LMNB1: variants seen among roughly 807,000 people sequenced by gnomAD.
LMNB1 encodes the protein lamin B1, also known as lamin-B1.
A neutral mutation model predicts 67.1 loss-of-function variants in LMNB1; 23 were observed. That is an observed-to-expected ratio of 0.34 (90% CI 0.25 to 0.49). The LOEUF is 0.49. Among genes scored for constraint, LMNB1 ranks in the 20% least tolerant of loss-of-function variants. LMNB1 has a pLI of 0.99. For missense variants in LMNB1, 634 were observed against 746.5 expected (o/e 0.85, Z 1.76); for synonymous variants, 281 against 282.9 (o/e 0.99, Z 0.07).
intron 1 of LMNB1, among the ~76,000 whole-genome samples, chr5:126,792,131 G>C (rs906376457): frequency 6.9e-6 from 1 of 144,394 alleles, no homozygotes; most frequent in South Asian, 2.2e-4. Flanking sequence ...TAAATTTGAT[G>C]GATTTGGTTC....
intron 5 of LMNB1, among the ~76,000 whole-genome samples, chr5:126,815,764 C>T (rs1253444825): frequency 6.6e-6 from 1 of 152,156 alleles, no homozygotes; most frequent in East Asian, 1.9e-4. Context: ...TCTAACTTCT[C>T]ATACTGTGTT....
intron 1 of LMNB1, among the ~76,000 whole-genome samples, chr5:126,784,717 G>T (rs921551723): frequency 1.4e-5 from 2 of 148,016 alleles, no homozygotes; most frequent in South Asian, 2.1e-4. Flanking sequence ...GTGCAGTGGC[G>T]CCATCTCGGC....
intron 9 of LMNB1, among the ~76,000 whole-genome samples, chr5:126,826,495 C>T (rs6879607): frequency 6.6e-6 from 1 of 152,090 alleles, no homozygotes; most frequent in African/African-American, 2.4e-5. Context: ...TGGCATAGTA[C>T]CTTTATCTAG....
chr5:126,796,059 A>G (rs1481917412), intron 1 of LMNB1, among the ~76,000 whole-genome samples: 1 of 150,000 alleles, frequency 6.7e-6, no homozygotes, highest in African/African-American at 2.5e-5. Context: ...CAGCCTCCCA[A>G]GTAGCTGAGA....
intron 5 of LMNB1, among the ~76,000 whole-genome samples, chr5:126,816,501 C>T (rs528957470): frequency 1.3e-5 from 2 of 152,194 alleles, no homozygotes; most frequent in Admixed American, 1.3e-4. Flanking sequence ...ACCCATTTTC[C>T]CCTGTTGTTA....
chr5:126,806,023 C>T (rs114465917), intron 3 of LMNB1, among the ~76,000 whole-genome samples: 18 of 152,240 alleles, frequency 1.2e-4, no homozygotes, highest in Admixed American at 2.0e-4. Flanking sequence ...GGCACGATCT[C>T]GGCTCCTTTC....
chr5:126,794,374 C>T (rs1329587232), intron 1 of LMNB1, among the ~76,000 whole-genome samples: 1 of 152,158 alleles, frequency 6.6e-6, no homozygotes, highest in Non-Finnish European at 1.5e-5. Flanking sequence ...GCTGTTGGAG[C>T]AAATGCATGC....
intron 4 of LMNB1, 59 bp from the exon 5 acceptor site, chr5:126,811,714 T>G: frequency 6.6e-7 from 1 of 1,514,370 alleles, no homozygotes; most frequent in Non-Finnish European, 9.0e-7. Flanking sequence ...AGGTGAATCA[T>G]GCTTCCTTTT....
At position 126,816,334 on chromosome 5, in the gene LMNB1, T is replaced by C. The variant is rs7714076; in HGVS notation, c.940-2588T>C. 1.3e-3 allele frequency among the ~76,000 whole-genome samples: 202 copies of C among 152,306 alleles called. 1 individual carries two copies. The highest frequency in any genetic ancestry group is 4.8e-3 in the African/African-American group (198 of 41,566). On this transcript the variant is annotated intron_variant, in intron 5 of 10. Coordinates refer to ENST00000261366, the MANE Select transcript of LMNB1 (RefSeq NM_005573.4). Reference sequence around the variant, plus strand: ...GGTCAATTTTTTTTCTTTAAAAATATATTTTTGTGTGTGCGTGTGAACCAG... The same window carrying C: ...GGTCAATTTTTTTTCTTTAAAAATACATTTTTGTGTGTGCGTGTGAACCAG...
intron 1 of LMNB1, among the ~76,000 whole-genome samples, chr5:126,796,179 T>C (rs1751087216): frequency 6.6e-6 from 1 of 152,082 alleles, no homozygotes; most frequent in African/African-American, 2.4e-5. Context: ...TCCGCCAGCC[T>C]TAGCCTCCCA....
At chr5:126,816,568 T>C (rs1185965319) in intron 5 of LMNB1, among the ~76,000 whole-genome samples, 1 of 152,242 alleles carries the variant, frequency 6.6e-6, no homozygotes, top group African/African-American at 2.4e-5. Flanking sequence ...ATTGGTATAT[T>C]ACTGTGAACT....
intron 1 of LMNB1, among the ~76,000 whole-genome samples, chr5:126,798,981 A>G (rs1056159214): frequency 1.1e-4 from 17 of 151,182 alleles, no homozygotes; most frequent in African/African-American, 3.6e-4. Context: ...GATAGTAGTC[A>G]GTTCTTCTCT....
intron 1 of LMNB1, among the ~76,000 whole-genome samples, chr5:126,792,851 C>T (rs1750996701): frequency 6.6e-6 from 1 of 152,110 alleles, no homozygotes; most frequent in South Asian, 2.1e-4. Flanking sequence ...GCTGAGATTA[C>T]AGGCATGAGC....
chr5:126,833,931 A>G (rs372660811), intron 10 of LMNB1, among the ~76,000 whole-genome samples: 4 of 152,226 alleles, frequency 2.6e-5, no homozygotes, highest in African/African-American at 7.2e-5. Context: ...CCATTGCTTC[A>G]CTAACAGACC....
intron 10 of LMNB1, among the ~76,000 whole-genome samples, chr5:126,834,994 G>C (rs1752218642): frequency 6.6e-6 from 1 of 152,194 alleles, no homozygotes; most frequent in Non-Finnish European, 1.5e-5. Context: ...GGAATGCTTA[G>C]GGATGTAGCT....
chr5:126,829,725 G>A (rs958256951), intron 9 of LMNB1, among the ~76,000 whole-genome samples: 4 of 152,026 alleles, frequency 2.6e-5, no homozygotes, highest in African/African-American at 9.7e-5. Context: ...CTGGACTAGG[G>A]TGGGTCACGT....
intron 5 of LMNB1, among the ~76,000 whole-genome samples, chr5:126,816,666 T>A (rs1751713781): frequency 6.6e-6 from 1 of 152,204 alleles, no homozygotes; most frequent in African/African-American, 2.4e-5. Flanking sequence ...CTGTGACAGT[T>A]TCTTGGGCTT....
intron 1 of LMNB1, among the ~76,000 whole-genome samples, chr5:126,795,130 C>CTTTCTTT (rs1751054292): frequency 7.8e-6 from 1 of 128,946 alleles, no homozygotes; most frequent in Admixed American, 8.5e-5. Flanking sequence ...ATTCCTTTTC[C>CTTTCTTT]TTTTTTTTTT....
chr5:126,835,963 T>C (rs1752238482), intron 10 of LMNB1, among the ~76,000 whole-genome samples: 1 of 152,060 alleles, frequency 6.6e-6, no homozygotes, highest in Admixed American at 6.5e-5. Flanking sequence ...TGAGAATCGC[T>C]TGAACCCAGG....
Sources: gnomAD v4.1 joint callset for allele counts (sites outside exome capture counted in the v4.1 genomes callset) on GRCh38, gnomAD v4.1.1 for gene constraint, MANE v1.5 for transcripts, NCBI Gene and HGNC (gene_info 2026-07-23, HGNC 2026-07-21) for gene names.